The following C17orf75 variants were observed in gnomAD, a reference collection of about 807,000 sequenced individuals.
C17orf75 encodes chromosome 17 open reading frame 75, also known as protein Njmu-R1.
C17orf75 carries 32 observed loss-of-function variants against 49.6 expected under a neutral mutation model. That is an observed-to-expected ratio of 0.65 (90% confidence interval 0.49 to 0.87). C17orf75 has a LOEUF of 0.87. Among genes scored for constraint, C17orf75 ranks in the 40% least tolerant of loss-of-function variants. C17orf75 has a pLI of 0.00. For synonymous variants in C17orf75, 158 were observed against 159.5 expected (o/e 0.99, Z 0.07); for missense variants, 428 against 473.9 (o/e 0.90, Z 0.90).
Position 32,330,452 on chromosome 17 carries a change from C to T in C17orf75, c.*1311G>A, listed in dbSNP as rs1479294538. On this transcript the variant is annotated 3_prime_UTR_variant, in exon 10 of 10. Transcript: ENST00000577809. ...TCCTCAGGGAAGTGAGAACACAAGA[C>T]TTCTGTTCTTCTAAGCAAAAATCAT... 1.3e-5 allele frequency: 2 copies of T among 152,172 alleles called. No homozygotes were observed. The highest frequency in any genetic ancestry group is 2.9e-5 in the Non-Finnish European group (2 of 68,024). The allele number at this position is 152,172 out of a possible 1,614,324, so 9.4% of individuals were successfully genotyped here.
intron 2 of C17orf75, 44 bp downstream of exon 2, chr17:32,341,160 G>A (rs1266862913): frequency 6.3e-7 from 1 of 1,587,620 alleles, no homozygotes; most frequent in East Asian, 2.2e-5. Context: ...GAGATGCAGG[G>A]AAGATGAAAG....
At chr17:32,349,958 T>C (rs2041468772) in exon 1 of C17orf75, 2 of 1,156,744 alleles carry the variant, frequency 1.7e-6, no homozygotes, top group East Asian at 5.2e-5. Flanking sequence ...CTCCGGCTCC[T>C]TTACAAATGA....
Position 32,342,024 on chromosome 17 carries a change from C to T in C17orf75, c.116G>A (p.Cys39Tyr), listed in dbSNP as rs1257679991. The T allele has an allele frequency of 1.9e-6, 3 of 1,541,484 alleles. No homozygotes were observed. The Admixed American group carries it at 6.0e-5, about 31-fold the overall frequency. The change falls in exon 1 of 10, where the codon TGT becomes TAT. Residue 39 changes from cysteine (C) to tyrosine (Y), a missense_variant. Transcript: ENST00000577809. ...RLEPPSSSHY[C>Y]LYSYRGSRLA... ...CCTGCTTCCGCGATAGCTGTAAAGA[C>T]AGTAGTGGCTGCTGGACGGCGGCTC...
chr17:32,333,346 T>C (rs1242484967), intron 9 of C17orf75, 71 bp downstream of exon 9: 8 of 1,055,554 alleles, frequency 7.6e-6, no homozygotes, highest in Admixed American at 6.5e-5. Context: ...AATTTGTTAC[T>C]CTGTCACTGG....
chr17:32,334,500 G>A lies in C17orf75; in HGVS notation c.840C>T (p.Cys280=). 6.2e-7 allele frequency: 1 copy of A among 1,612,304 alleles called. No individual in the cohort carries two copies. Among genetic ancestry groups the A allele is most frequent in the South Asian group, 1.1e-5 (1 of 90,516 alleles). ...TGCAGAACTGAGGCTGGGAGCTGCT[G>A]CAATCGATGACCACAGACTTATGCT... ...EEQHKSVVID[C]SSSQPQFCNA... is the part of the protein sequence containing the mutation. Residue 280 remains cysteine (C), a synonymous_variant, in exon 8 of 10, where the codon TGC becomes TGT. Transcript: ENST00000577809.
In C17orf75 at chr17:32,333,456, AG is replaced by A; in HGVS notation, c.935del (p.Pro312LeufsTer13). ...TCTCCAGTACTTGTCGGAAAAGAAA[AG>A]GGTTACCTCCTTTGGCACCATTTAA... ...AFLNGAKGGN[P>X]FLFRQVLENF... On this transcript the variant is annotated frameshift_variant, in exon 9 of 10. Transcript: ENST00000577809. LOFTEE classifies it high-confidence loss of function. 6.2e-7 allele frequency: 1 copy of A among 1,613,382 alleles called. No homozygotes were observed. Among genetic ancestry groups the A allele is most frequent in the Non-Finnish European group, 8.5e-7 (1 of 1,179,650 alleles).
chr17:32,338,085 G>A, intron 4 of C17orf75, 123 bp downstream of exon 4: 2 of 1,511,240 alleles, frequency 1.3e-6, no homozygotes, highest in Non-Finnish European at 9.1e-7. Flanking sequence ...GCCACATGAA[G>A]GTATGAAATT....
At chr17:32,342,179 G>T (rs1158603122), upstream of C17orf75, 2 of 1,488,358 alleles carry the variant, frequency 1.3e-6, no homozygotes, top group Admixed American at 2.1e-5. Context: ...CCGCCAAACC[G>T]CTCCCCTGCT....
At chr17:32,346,020 C>G (rs1193594554), upstream of C17orf75, among the ~76,000 whole-genome samples, 2 of 152,100 alleles carry the variant, frequency 1.3e-5, no homozygotes, top group African/African-American at 4.8e-5. Flanking sequence ...AAATATTTCT[C>G]TATGTATCTA....
At chr17:32,335,587 A>G (rs1176746507) in intron 5 of C17orf75, 145 bp from the exon 6 acceptor site, 1 of 991,166 alleles carries the variant, frequency 1.0e-6, no homozygotes, top group Non-Finnish European at 1.4e-6. Flanking sequence ...TCAAAAAAAG[A>G]AATTGTGATA....
At chr17:32,348,791 G>A (rs1037701050) in intron 1 of C17orf75, among the ~76,000 whole-genome samples, 1 of 151,396 alleles carries the variant, frequency 6.6e-6, no homozygotes, top group African/African-American at 2.4e-5. Flanking sequence ...ATGCTTCTAG[G>A]GTTCGCCAGA....
At chr17:32,343,786 A>T (rs1296822714), upstream of C17orf75, 2 of 648,916 alleles carry the variant, frequency 3.1e-6, no homozygotes, top group East Asian at 5.5e-5. Context: ...GATTGCGGAC[A>T]ACACATGACA....
intron 3 of C17orf75, among the ~76,000 whole-genome samples, chr17:32,338,615 A>C (rs1324782318): frequency 6.6e-6 from 1 of 151,984 alleles, no homozygotes; most frequent in Non-Finnish European, 1.5e-5. Context: ...ATTCACACAA[A>C]TTTCACTCTA....
chr17:32,347,910 A>G (rs1388275664), intron 1 of C17orf75, among the ~76,000 whole-genome samples: 2 of 151,848 alleles, frequency 1.3e-5, no homozygotes, highest in East Asian at 1.9e-4. Context: ...TGGTCTCACT[A>G]TGGTGCCCAG....
intron 5 of C17orf75, among the ~76,000 whole-genome samples, chr17:32,336,926 A>T (rs1238917540): frequency 6.6e-6 from 1 of 151,860 alleles, no homozygotes; most frequent in Non-Finnish European, 1.5e-5. Context: ...CAGGTGGATT[A>T]CTTGAGCTCA....
intron 5 of C17orf75, among the ~76,000 whole-genome samples, chr17:32,336,285 C>T (rs765085743): frequency 6.6e-6 from 1 of 152,152 alleles, no homozygotes; most frequent in Non-Finnish European, 1.5e-5. Flanking sequence ...GCAATCATAG[C>T]TCACTGCAGC....
At chr17:32,344,950 T>C (rs1056046731), upstream of C17orf75, among the ~76,000 whole-genome samples, 1 of 151,886 alleles carries the variant, frequency 6.6e-6, no homozygotes, top group Non-Finnish European at 1.5e-5. Flanking sequence ...AAGGAAGTAA[T>C]AGAGTCCCCC....
chr17:32,349,861 T>A, intron 1 of C17orf75: 1 of 951,824 alleles, frequency 1.1e-6, no homozygotes, highest in Non-Finnish European at 1.3e-6. Flanking sequence ...TCTATCTTTA[T>A]TTGTGATCGG....
At chr17:32,346,583 T>G (rs2041427021), upstream of C17orf75, among the ~76,000 whole-genome samples, 1 of 150,328 alleles carries the variant, frequency 6.7e-6, no homozygotes, top group East Asian at 1.9e-4. Flanking sequence ...TTTTTTTTTG[T>G]TTTTTTTTGA....
Sources: allele counts gnomAD v4.1 joint callset (sites outside exome capture counted in the v4.1 genomes callset), GRCh38; gene constraint gnomAD v4.1.1; transcripts MANE v1.5; gene names NCBI Gene and HGNC (gene_info 2026-07-23, HGNC 2026-07-21).